The following CNTN5 variants were observed in gnomAD, a reference collection of about 807,000 sequenced individuals.
The protein encoded by CNTN5 is contactin-5.
In CNTN5, 77 loss-of-function variants were observed where a neutral mutation model predicts 129.1. That is an observed-to-expected ratio of 0.60 (90% CI 0.50 to 0.72). The LOEUF is 0.72. Among genes scored for constraint, CNTN5 ranks in the 30% least tolerant of loss-of-function variants. The pLI is 0.00. For synonymous variants in CNTN5, 509 were observed against 465.6 expected (o/e 1.09, Z -1.20); for missense variants, 1,478 against 1,328.8 (o/e 1.11, Z -1.75).
intron 3 of CNTN5, among the ~76,000 whole-genome samples, chr11:99,619,157 A>C (rs1301569463): frequency 6.7e-6 from 1 of 148,980 alleles, no homozygotes; most frequent in Non-Finnish European, 1.5e-5. Context: ...CTCCATCAAA[A>C]TTCTTAAAAT....
intron 21 of CNTN5, among the ~76,000 whole-genome samples, chr11:100,327,868 G>C (rs954739945): frequency 6.6e-6 from 1 of 152,046 alleles, no homozygotes; most frequent in Non-Finnish European, 1.5e-5. Flanking sequence ...AAACCAATTA[G>C]TAGAAAGACA....
chr11:100,040,589 A>G, intron 9 of CNTN5, among the ~76,000 whole-genome samples: 1 of 152,230 alleles, frequency 6.6e-6, no homozygotes, highest in East Asian at 1.9e-4. Context: ...AGAGGCAGGC[A>G]GGCCTCCTTG....
At chr11:99,857,352 C>T (rs1244653325) in intron 6 of CNTN5, among the ~76,000 whole-genome samples, 9 of 151,990 alleles carry the variant, frequency 5.9e-5, no homozygotes, top group Non-Finnish European at 1.5e-5. Context: ...ATAAAATATC[C>T]TCCAGTACCA....
chr11:99,160,261 T>C (rs1316496633), intron 1 of CNTN5, among the ~76,000 whole-genome samples: 2 of 152,192 alleles, frequency 1.3e-5, no homozygotes, highest in South Asian at 2.1e-4. Flanking sequence ...TTGGGAAATA[T>C]ATAGTTAGCT....
intron 6 of CNTN5, among the ~76,000 whole-genome samples, chr11:99,888,906 TGAG>T (rs1272449173): frequency 6.6e-6 from 1 of 152,212 alleles, no homozygotes; most frequent in Admixed American, 6.5e-5. Context: ...ATTTACTAAA[TGAG>T]GAAAATGCTC....
chr11:99,100,622 A>G (rs1221641984), intron 1 of CNTN5, among the ~76,000 whole-genome samples: 6 of 152,162 alleles, frequency 3.9e-5, no homozygotes, highest in Non-Finnish European at 5.9e-5. Context: ...AGGAGAAAAT[A>G]AAATCAACTT....
intron 8 of CNTN5, among the ~76,000 whole-genome samples, chr11:99,992,550 G>A (rs1031945569): frequency 6.6e-6 from 1 of 152,052 alleles, no homozygotes; most frequent in Non-Finnish European, 1.5e-5. Context: ...ATCTGCTAAG[G>A]AAACTATCAA....
chr11:99,397,231 A>G (rs1239804802), intron 2 of CNTN5, among the ~76,000 whole-genome samples: 1 of 151,776 alleles, frequency 6.6e-6, no homozygotes, highest in East Asian at 1.9e-4. Flanking sequence ...AGGGTTACAG[A>G]TTTTTGGGAG....
intron 9 of CNTN5, among the ~76,000 whole-genome samples, chr11:100,041,200 A>AT (rs1301788067): frequency 6.6e-6 from 1 of 152,090 alleles, no homozygotes; most frequent in East Asian, 1.9e-4. Context: ...TTCCTAGAAT[A>AT]TTTTTTATCT....
At chr11:99,670,520 T>G (rs1952988650) in intron 3 of CNTN5, among the ~76,000 whole-genome samples, 1 of 152,162 alleles carries the variant, frequency 6.6e-6, no homozygotes, top group Non-Finnish European at 1.5e-5. Flanking sequence ...ACACATATAC[T>G]TACTCTGCAT....
intron 2 of CNTN5, among the ~76,000 whole-genome samples, chr11:99,446,411 G>T (rs186211597): frequency 2.7e-4 from 41 of 152,084 alleles, no homozygotes; most frequent in African/African-American, 9.9e-4. Flanking sequence ...ATTTTCACTT[G>T]GTTAGTTCAG....
chr11:100,039,349 G>C (rs1163581328), intron 9 of CNTN5, among the ~76,000 whole-genome samples: 1 of 152,320 alleles, frequency 6.6e-6, no homozygotes, highest in East Asian at 1.9e-4. Flanking sequence ...CTGTTTGTCT[G>C]ATGGGCTTCC....
chr11:99,275,267 C>G (rs1169622660), intron 1 of CNTN5, among the ~76,000 whole-genome samples: 1 of 151,074 alleles, frequency 6.6e-6, no homozygotes, highest in Non-Finnish European at 1.5e-5. Flanking sequence ...GTCCTTGTCT[C>G]CTTTCTTTAA....
intron 1 of CNTN5, among the ~76,000 whole-genome samples, chr11:99,304,021 G>C (rs1052306168): frequency 6.6e-6 from 1 of 152,114 alleles, no homozygotes; most frequent in Non-Finnish European, 1.5e-5. Context: ...TCAACACCAA[G>C]TCCTTTGTCT....
chr11:99,896,862 C>T (rs1195230881), intron 6 of CNTN5, among the ~76,000 whole-genome samples: 1 of 152,100 alleles, frequency 6.6e-6, no homozygotes, highest in African/African-American at 2.4e-5. Flanking sequence ...CTGCCCTGCC[C>T]CAGCCTGAAT....
rs528045574 is a variant in CNTN5 at position 99,435,651 on chromosome 11, T to G, written c.-71+110167T>G. ...CTGCCAAAGAGGGATACACTAAGTC[T>G]TAAATATGCCAAATAACTTGTTTAT... is the stretch of plus-strand genomic sequence containing the variant. On this transcript the variant is annotated intron_variant, in intron 2 of 24. Coordinates refer to ENST00000524871, the MANE Select transcript of CNTN5 (RefSeq NM_014361.4). Among the ~76,000 whole-genome samples, 8 of 152,348 alleles carry G rather than the reference T, an allele frequency of 5.3e-5. No homozygotes were observed. In the South Asian group the frequency reaches 8.3e-4, roughly 16 times the overall value.
chr11:99,564,497 T>TA (rs1948942059), intron 3 of CNTN5, among the ~76,000 whole-genome samples: 2 of 152,144 alleles, frequency 1.3e-5, no homozygotes, highest in South Asian at 4.2e-4. Flanking sequence ...TAGCTGAACG[T>TA]AAAAAAACAA....
chr11:100,261,905 A>G (rs976218507), intron 17 of CNTN5, among the ~76,000 whole-genome samples: 3 of 152,230 alleles, frequency 2.0e-5, no homozygotes, highest in Non-Finnish European at 4.4e-5. Context: ...CTTCATTACT[A>G]AAACACCAAA....
At chr11:100,087,913 C>G (rs1012812325) in intron 13 of CNTN5, among the ~76,000 whole-genome samples, 24 of 151,576 alleles carry the variant, frequency 1.6e-4, no homozygotes, top group African/African-American at 5.8e-4. Context: ...AGAAATCATA[C>G]CAAGAACAGT....
Sources: gnomAD v4.1 joint callset for allele counts (sites outside exome capture counted in the v4.1 genomes callset) on GRCh38, gnomAD v4.1.1 for gene constraint, MANE v1.5 for transcripts, NCBI Gene and HGNC (gene_info 2026-07-23, HGNC 2026-07-21) for gene names.